Variants in NVL observed in about 807,000 individuals in gnomAD.
The protein encoded by NVL is nuclear valosin-containing protein-like.
A neutral mutation model predicts 110.2 loss-of-function variants in NVL; 84 were observed. That is an observed-to-expected ratio of 0.76 (90% CI 0.64 to 0.91). The LOEUF is 0.91. NVL is among the 40% of genes least tolerant of loss of function. NVL has a pLI of 0.00. For missense variants in NVL, 882 were observed against 1,035.9 expected, an observed-to-expected ratio of 0.85 and a Z score of 2.04; for synonymous variants, 354 against 361.1, an observed-to-expected ratio of 0.98 and a Z score of 0.22.
At chr1:224,256,681 T>A (rs1362255682) in intron 18 of NVL, among the ~76,000 whole-genome samples, 1 of 152,210 alleles carries the variant, frequency 6.6e-6, no homozygotes, top group Non-Finnish European at 1.5e-5. Flanking sequence ...TGACTTAAAC[T>A]ACACTTCACT....
intron 4 of NVL, 154 bp from the exon 5 acceptor site, chr1:224,312,011 T>C: frequency 6.6e-6 from 4 of 606,524 alleles, no homozygotes. Flanking sequence ...AAAATCCAAC[T>C]TAACCAGTTA....
intron 4 of NVL, among the ~76,000 whole-genome samples, chr1:224,313,771 G>C (rs952127592): frequency 8.5e-5 from 13 of 152,206 alleles, no homozygotes; most frequent in Non-Finnish European, 1.5e-5. Context: ...GGGAGGCCAA[G>C]GTGGGCGGAT....
At chr1:224,311,698 G>T in intron 5 of NVL, 102 bp downstream of exon 5, 2 of 867,326 alleles carry the variant, frequency 2.3e-6, no homozygotes, top group Non-Finnish European at 3.9e-6. Flanking sequence ...GGGATTAGAG[G>T]TGTGAGTCAC....
chr1:224,315,280 A>G (rs755183609), intron 4 of NVL, among the ~76,000 whole-genome samples: 1 of 152,156 alleles, frequency 6.6e-6, no homozygotes, highest in Non-Finnish European at 1.5e-5. Flanking sequence ...CCAACAATAC[A>G]TTAAAAAGAT....
intron 19 of NVL, among the ~76,000 whole-genome samples, chr1:224,240,783 CTTTT>C (rs59138570): frequency 6.0e-5 from 5 of 82,678 alleles, no homozygotes; most frequent in East Asian, 8.3e-4. Flanking sequence ...ACAAACTGTC[CTTTT>C]TTTTTTTTTT....
chr1:224,326,650 A>G (rs575766752), intron 1 of NVL, among the ~76,000 whole-genome samples, 186 bp from the exon 2 acceptor site: 20 of 152,336 alleles, frequency 1.3e-4, no homozygotes, highest in African/African-American at 4.6e-4. Flanking sequence ...TTTAATTAAC[A>G]TTATTAATCA....
At chr1:224,260,620 T>A (rs769805323) in intron 18 of NVL, among the ~76,000 whole-genome samples, 6 of 152,104 alleles carry the variant, frequency 3.9e-5, no homozygotes, top group Non-Finnish European at 8.8e-5. Context: ...ATCTCTCAGA[T>A]ATAAAAGTGC....
intron 17 of NVL, chr1:224,269,682 T>C (rs1191323016): frequency 6.6e-6 from 1 of 152,082 alleles, no homozygotes; most frequent in Non-Finnish European, 1.5e-5. Context: ...TGGTCATTAA[T>C]TGCTTTTCTT....
intron 2 of NVL, among the ~76,000 whole-genome samples, chr1:224,319,065 G>T (rs1176481911): frequency 7.8e-6 from 1 of 127,656 alleles, no homozygotes; most frequent in African/African-American, 3.0e-5. Flanking sequence ...TGAGGCAGGA[G>T]AATCCCATGA....
intron 9 of NVL, among the ~76,000 whole-genome samples, chr1:224,303,296 G>C (rs1395764992): frequency 6.6e-6 from 1 of 152,012 alleles, no homozygotes; most frequent in Non-Finnish European, 1.5e-5. Flanking sequence ...TCAGCCGGGC[G>C]TGGTGGCGTA....
At position 224,319,584 on chromosome 1, in the gene NVL, T is replaced by C. The variant is rs75412201; in HGVS notation, c.132-1654A>G. ...TTGTGTCTCTTTGGACTCTTTTAAC[T>C]TGTAATAATCTCTTCACCTTTGTGC... On this transcript the variant is annotated intron_variant, in intron 2 of 22. Transcript: ENST00000281701. Among the ~76,000 whole-genome samples, 14 of 152,320 alleles carry C rather than the reference T, an allele frequency of 9.2e-5. No homozygotes were observed. The East Asian group carries it at 2.7e-3, about 29-fold the overall frequency.
intron 12 of NVL, among the ~76,000 whole-genome samples, chr1:224,292,751 A>G (rs1444958655): frequency 6.7e-6 from 1 of 149,090 alleles, no homozygotes; most frequent in South Asian, 2.1e-4. Context: ...CTCATTAAAT[A>G]CCTTTTTTTT....
intron 19 of NVL, among the ~76,000 whole-genome samples, chr1:224,248,932 C>T (rs1366903433): frequency 6.6e-6 from 1 of 152,170 alleles, no homozygotes. Context: ...GGGACAGCTC[C>T]CATGGGGGGA....
intron 17 of NVL, chr1:224,269,913 C>T (rs1664893101): frequency 6.9e-6 from 1 of 145,354 alleles, no homozygotes; most frequent in Non-Finnish European, 1.5e-5. Flanking sequence ...CCACACCTGG[C>T]TAATTTTTCT....
rs554384483 is a variant in NVL at position 224,250,281 on chromosome 1, C to G, written c.2220G>C (p.Leu740=). The G allele has an allele frequency of 6.2e-7, 1 of 1,603,316 alleles. No individual in the cohort carries two copies. The highest frequency in any genetic ancestry group is 2.3e-5 in the East Asian group (1 of 44,204). ...IDPAILRPGR[L]DKTLFVGLPP... is the part of the protein sequence containing the mutation. The stretch of plus-strand genomic sequence containing the variant: ...GTAAACCCACAAACAGTGTTTTGTC[C>G]AGGCGGCCCGGGCGCAGGATTGCAG... Residue 740 remains leucine, a synonymous_variant, in exon 19 of 23, where the codon CTG becomes CTC. Coordinates refer to ENST00000281701, the MANE Select transcript of NVL (RefSeq NM_002533.4).
intron 5 of NVL, among the ~76,000 whole-genome samples, chr1:224,308,972 A>C (rs1229729250): frequency 6.7e-6 from 1 of 150,118 alleles, no homozygotes; most frequent in Admixed American, 6.7e-5. Flanking sequence ...GAGGCAGGAG[A>C]ATGGCGAGAA....
intron 6 of NVL, among the ~76,000 whole-genome samples, 171 bp downstream of exon 6, chr1:224,307,820 C>T (rs943223485): frequency 6.6e-6 from 1 of 151,716 alleles, no homozygotes; most frequent in African/African-American, 2.4e-5. Context: ...TGAGAAAAGG[C>T]TTAGACTAGG....
intron 4 of NVL, among the ~76,000 whole-genome samples, chr1:224,316,144 A>G (rs930208027): frequency 6.6e-6 from 1 of 152,154 alleles, no homozygotes. Flanking sequence ...ACTACATTCC[A>G]GCCTGAGCAA....
At chr1:224,289,846 AC>A in intron 12 of NVL, 113 bp from the exon 13 acceptor site, 1 of 928,210 alleles carries the variant, frequency 1.1e-6, no homozygotes, top group South Asian at 1.8e-5. Context: ...CAAAATGGAT[AC>A]TATATAAGAT....
Sources: gnomAD v4.1 joint callset for allele counts (sites outside exome capture counted in the v4.1 genomes callset) on GRCh38, gnomAD v4.1.1 for gene constraint, MANE v1.5 for transcripts, NCBI Gene and HGNC (gene_info 2026-07-23, HGNC 2026-07-21) for gene names.